The following USP13 variants were observed in gnomAD, a reference collection of about 807,000 sequenced individuals.
USP13 encodes the protein ubiquitin carboxyl-terminal hydrolase 13.
Under a neutral mutation model 107.8 loss-of-function variants are expected in USP13, and 68 were observed. The observed-to-expected ratio is 0.63, with a 90% CI of 0.52 to 0.77. The LOEUF (loss-of-function observed/expected upper bound fraction) is 0.77. USP13 is among the 30% of genes least tolerant of loss of function. The pLI is 0.00. For synonymous variants in USP13, 377 were observed against 389.5 expected, an observed-to-expected ratio of 0.97 and a Z score of 0.38; for missense variants, 945 against 1,093.3, an observed-to-expected ratio of 0.86 and a Z score of 1.91.
At chr3:179,774,250 C>G (rs1715433682) in intron 19 of USP13, among the ~76,000 whole-genome samples, 1 of 152,158 alleles carries the variant, frequency 6.6e-6, no homozygotes, top group Non-Finnish European at 1.5e-5. Context: ...CCAAGGTATT[C>G]ATGAGGGATC....
At chr3:179,746,725 C>T (rs575063696) in intron 13 of USP13, among the ~76,000 whole-genome samples, 3 of 152,072 alleles carry the variant, frequency 2.0e-5, no homozygotes, top group Non-Finnish European at 4.4e-5. Flanking sequence ...GCCACCGCAC[C>T]CAGCCAATTT....
chr3:179,780,540 G>T (rs189485889), intron 19 of USP13, among the ~76,000 whole-genome samples: 203 of 152,284 alleles, frequency 1.3e-3, no homozygotes, highest in Non-Finnish European at 2.3e-3. Flanking sequence ...GATAGGGGGG[G>T]AAGAAGAAGG....
At chr3:179,720,195 A>G (rs775638548) in intron 7 of USP13, among the ~76,000 whole-genome samples, 161 bp downstream of exon 7, 14 of 152,212 alleles carry the variant, frequency 9.2e-5, no homozygotes, top group Non-Finnish European at 1.6e-4. Flanking sequence ...GCATTTAATT[A>G]GTAGATGTTT....
chr3:179,770,117 C>A (rs1452934610), intron 19 of USP13, among the ~76,000 whole-genome samples: 2 of 152,128 alleles, frequency 1.3e-5, no homozygotes, highest in Non-Finnish European at 2.9e-5. Flanking sequence ...CTCGTGTTAA[C>A]AGCTTATTTC....
chr3:179,653,552 C>G lies in USP13; in HGVS notation c.168+159C>G. 1 of 1,016,198 alleles carries G rather than the reference C, an allele frequency of 9.8e-7. No individual in the cohort carries two copies. The highest frequency in any genetic ancestry group is 1.4e-6 in the Non-Finnish European group (1 of 719,698). The allele number at this position is 1,016,198 out of a possible 1,614,324, so 62.9% of individuals were successfully genotyped here. A position where few individuals can be genotyped will look rare whatever the true frequency, so the allele number is the denominator to read the frequency against. On this transcript the variant is annotated intron_variant, in intron 1 of 20. Coordinates refer to ENST00000263966, the MANE Select transcript of USP13 (RefSeq NM_003940.3). This position sits in a 1 kb window ranked among gnomAD's most constrained non-coding sequence, Gnocchi z 4.0. ...AGTTCGGCAGACACTTAGTGAGCGC[C>G]CCAGGGCTGCTGCAGCCGAGGACTG... is the stretch of plus-strand genomic sequence containing the variant.
intron 19 of USP13, among the ~76,000 whole-genome samples, chr3:179,779,007 C>A (rs1715648753): frequency 1.3e-5 from 2 of 151,934 alleles, no homozygotes; most frequent in Non-Finnish European, 2.9e-5. Context: ...AAAGAAAGAG[C>A]AGTAGGTATA....
intron 2 of USP13, among the ~76,000 whole-genome samples, chr3:179,682,517 A>C (rs1369595509): frequency 6.6e-6 from 1 of 152,218 alleles, no homozygotes; most frequent in Non-Finnish European, 1.5e-5. Context: ...TATATAGTAT[A>C]ACTTTATATG....
chr3:179,728,650 T>G (rs895192547), intron 8 of USP13, among the ~76,000 whole-genome samples: 3 of 152,054 alleles, frequency 2.0e-5, no homozygotes, highest in African/African-American at 4.8e-5. Context: ...GTGGATGTTG[T>G]AGCGAGCCGA....
intron 14 of USP13, among the ~76,000 whole-genome samples, chr3:179,753,070 C>T (rs1576978083): frequency 6.6e-6 from 1 of 152,174 alleles, no homozygotes; most frequent in South Asian, 2.1e-4. Flanking sequence ...AGGTTGTCCT[C>T]AGTGGTGTGG....
intron 1 of USP13, among the ~76,000 whole-genome samples, chr3:179,669,484 T>TA (rs1040864528): frequency 4.6e-5 from 7 of 151,324 alleles, no homozygotes; most frequent in African/African-American, 1.7e-4. Context: ...AATAAATAAA[T>TA]AAAAAAAATA....
At chr3:179,718,051 G>C (rs1432430410) in intron 6 of USP13, among the ~76,000 whole-genome samples, 1 of 151,970 alleles carries the variant, frequency 6.6e-6, no homozygotes, top group Admixed American at 6.6e-5. Flanking sequence ...TTTCCTCCTG[G>C]TGATGTTCCA....
At chr3:179,659,592 C>T (rs949897528) in intron 1 of USP13, among the ~76,000 whole-genome samples, 1 of 152,086 alleles carries the variant, frequency 6.6e-6, no homozygotes, top group East Asian at 1.9e-4. Flanking sequence ...TATTATTATA[C>T]CTACATGAAC....
intron 13 of USP13, among the ~76,000 whole-genome samples, chr3:179,747,807 A>G (rs925060582): frequency 6.6e-6 from 1 of 152,144 alleles, no homozygotes; most frequent in African/African-American, 2.4e-5. Context: ...ATGCTACAAA[A>G]TATTCAGTTG....
At chr3:179,704,053 TGA>T (rs1408176449) in intron 4 of USP13, among the ~76,000 whole-genome samples, 1 of 152,042 alleles carries the variant, frequency 6.6e-6, no homozygotes, top group Non-Finnish European at 1.5e-5. Context: ...TCGCATCACT[TGA>T]GATAACATAT....
intron 1 of USP13, among the ~76,000 whole-genome samples, chr3:179,654,084 G>A (rs1235923792): frequency 5.3e-5 from 8 of 151,974 alleles, no homozygotes; most frequent in Non-Finnish European, 1.0e-4. Flanking sequence ...CGCGGTGGCG[G>A]GAGCCTGTAG....
intron 12 of USP13, 101 bp from the exon 13 acceptor site, chr3:179,744,942 C>T: frequency 7.7e-6 from 11 of 1,437,518 alleles, no homozygotes; most frequent in Non-Finnish European, 1.0e-5. Context: ...GCAACTCTGG[C>T]CCAGCGCAGA....
At chr3:179,727,919 G>T (rs1458077944) in intron 8 of USP13, among the ~76,000 whole-genome samples, 1 of 65,378 alleles carries the variant, frequency 1.5e-5, no homozygotes, top group Non-Finnish European at 4.0e-5. Flanking sequence ...CTGGCCAGGT[G>T]GGGGGCTGAC....
At chr3:179,782,134 A>T (rs527331651) in intron 20 of USP13, among the ~76,000 whole-genome samples, 2 of 152,142 alleles carry the variant, frequency 1.3e-5, no homozygotes, top group African/African-American at 2.4e-5. Flanking sequence ...GAACCTCCCT[A>T]GGATTGCCAT....
rs894660190 is a variant in USP13 at position 179,781,940 on chromosome 3, A to G, written c.2498+117A>G. The G allele has an allele frequency of 2.9e-5, 27 of 923,904 alleles. No homozygotes were observed. In the Admixed American group the frequency reaches 4.3e-4, roughly 15 times the overall value. 57.2% of individuals were successfully genotyped at this position (923,904 alleles called of 1,614,324 possible). A position where few individuals can be genotyped will look rare whatever the true frequency, so the allele number is the denominator to read the frequency against. ...TATTTGGTTCTCACATTGGTCTTGT[A>G]AAGGGTATACTGTTAACGCCCTTTT... On this transcript the variant is annotated intron_variant, in intron 20 of 20. Transcript: ENST00000263966.
Sources: allele counts gnomAD v4.1 joint callset (sites outside exome capture counted in the v4.1 genomes callset), GRCh38; gene constraint gnomAD v4.1.1; non-coding constraint Gnocchi (gnomAD v3.1); transcripts MANE v1.5; gene names NCBI Gene and HGNC (gene_info 2026-07-23, HGNC 2026-07-21).